HHATL: variants seen among roughly 807,000 people sequenced by gnomAD.
HHATL encodes protein-cysteine N-palmitoyltransferase HHAT-like protein.
A neutral mutation model predicts 59.7 loss-of-function variants in HHATL; 49 were observed. That is an observed-to-expected ratio of 0.82 (90% confidence interval 0.65 to 1.04). The LOEUF (loss-of-function observed/expected upper bound fraction) is 1.04. Among genes scored for constraint, HHATL ranks in the 50% least tolerant of loss-of-function variants. HHATL has a pLI of 0.00. For missense variants in HHATL, 605 were observed against 650.8 expected, an observed-to-expected ratio of 0.93 and a Z score of 0.77; for synonymous variants, 238 against 257.3, an observed-to-expected ratio of 0.93 and a Z score of 0.72.
intron 6 of HHATL, 86 bp from the exon 7 acceptor site, chr3:42,697,765 AGGAG>A (rs2125854158): frequency 1.4e-6 from 2 of 1,383,310 alleles, no homozygotes; most frequent in Admixed American, 2.2e-5. Context: ...TACTTGGGGC[AGGAG>A]GAGCCATGGC....
rs1697951928 is a variant in HHATL at position 42,700,968 on chromosome 3, A to ACCAT, written c.-13-133_-13-130dup. 7.1e-5 allele frequency: 45 copies of ACCAT among 631,016 alleles called. 1 individual carries two copies. In the South Asian group the frequency reaches 8.2e-4, roughly 11 times the overall value. 39.1% of individuals were successfully genotyped at this position (631,016 alleles called of 1,614,324 possible). A position where few individuals can be genotyped will look rare whatever the true frequency, so the allele number is the denominator to read the frequency against. ...CCCTCCAGCCCCTTGGGGACCTTGT[A>ACCAT]CCATCACTCTGCCTGCCCCTGTGCC... On this transcript the variant is annotated intron_variant, in intron 1 of 11. Transcript: ENST00000441594.
At position 42,693,554 on chromosome 3, in the gene HHATL, G is replaced by A; in HGVS notation, c.1248+63C>T. Reference sequence around the variant, plus strand: ...CCAGGTGTTTGGACAACTCCAGAAAGCAGCAGTGCCCCCCCGCCCTCTATG... The same window carrying A: ...CCAGGTGTTTGGACAACTCCAGAAAACAGCAGTGCCCCCCCGCCCTCTATG... On this transcript the variant is annotated intron_variant, in intron 10 of 11. Transcript: ENST00000441594. 6.4e-6 allele frequency: 9 copies of A among 1,400,524 alleles called. 1 individual carries two copies. The South Asian group carries it at 9.8e-5, about 15-fold the overall frequency. 86.8% of individuals were successfully genotyped at this position (1,400,524 alleles called of 1,614,324 possible). A position where few individuals can be genotyped will look rare whatever the true frequency, so the allele number is the denominator to read the frequency against.
intron 2 of HHATL, 64 bp from the exon 3 acceptor site, chr3:42,699,889 G>T: frequency 7.2e-7 from 1 of 1,393,626 alleles, no homozygotes; most frequent in Non-Finnish European, 9.9e-7. Flanking sequence ...CTTCCCCCGT[G>T]GACAAGGCTG....
chr3:42,696,912 A>G, intron 8 of HHATL, 35 bp from the exon 9 acceptor site: 1 of 1,614,144 alleles, frequency 6.2e-7, no homozygotes. Context: ...TGTTGCCATC[A>G]GGCGCAGAGC....
chr3:42,692,939 C>T, intron 11 of HHATL, 64 bp from the exon 12 acceptor site: 2 of 1,588,922 alleles, frequency 1.3e-6, no homozygotes, highest in South Asian at 1.1e-5. Context: ...CTTTTGTCTT[C>T]CCACCCCTCT....
rs577837989 is a variant in HHATL, at chr3:42,698,041, T to C, written c.693+101A>G. 38 of 1,209,300 alleles carry C rather than the reference T, an allele frequency of 3.1e-5. 1 individual carries two copies. In the South Asian group the frequency reaches 5.0e-4, roughly 16 times the overall value. 74.9% of individuals were successfully genotyped at this position (1,209,300 alleles called of 1,614,324 possible). A position where few individuals can be genotyped will look rare whatever the true frequency, so the allele number is the denominator to read the frequency against. ...TTCATCCTGGAATCATGCCTGAGGA[T>C]GGGGATACAGCCTGCTTGGGGAATT... On this transcript the variant is annotated intron_variant, in intron 6 of 11. Transcript: ENST00000441594.
Position 42,701,229 on chromosome 3 carries a change from G to C in HHATL, c.-13-390C>G, listed in dbSNP as rs966944617. On this transcript the variant is annotated intron_variant, in intron 1 of 11. Coordinates refer to ENST00000441594, the MANE Select transcript of HHATL (RefSeq NM_020707.4). This position sits in a 1 kb window ranked among gnomAD's most constrained non-coding sequence, Gnocchi z 5.1. ...AACCCCACCTCTATCACTACAGTCA[G>C]GTTTCTGCCTGCAGGGTCCCCACCT... 1.6e-5 allele frequency: 3 copies of C among 189,976 alleles called. No individual in the cohort carries two copies. The highest frequency in any genetic ancestry group is 6.9e-5 in the African/African-American group (3 of 43,214). 11.8% of individuals were successfully genotyped at this position (189,976 alleles called of 1,614,324 possible).
At position 42,693,774 on chromosome 3, in the gene HHATL, G is replaced by A. The variant is rs1271093757; in HGVS notation, c.1091C>T (p.Pro364Leu). Residue 364 changes from proline to leucine, a missense_variant, in exon 10 of 12, where the codon CCA (proline) becomes CTA (leucine). By Grantham distance (98) the Pro-to-Leu change is moderately conservative (BLOSUM62 -3). Transcript: ENST00000441594. ...TGTGGCCACTGTGGCTGCCAGCTCT[G>A]GGATCACAGCGGAATGCTCCCCACC... ...HIGGEHSAVI[P>L]ELAATVATFA... The A allele has an allele frequency of 2.5e-6, 4 of 1,613,998 alleles. No individual in the cohort carries two copies. Among genetic ancestry groups the A allele is most frequent in the Non-Finnish European group, 3.4e-6 (4 of 1,180,024 alleles).
At chr3:42,700,246 C>G (rs1331483339) in intron 2 of HHATL, among the ~76,000 whole-genome samples, 1 of 132,862 alleles carries the variant, frequency 7.5e-6, no homozygotes, top group African/African-American at 2.9e-5. Context: ...ATCCAGGTCT[C>G]TCTCTGTGTG....
At chr3:42,699,251 T>C (rs925310303) in intron 3 of HHATL, 106 bp from the exon 4 acceptor site, 1 of 554,130 alleles carries the variant, frequency 1.8e-6, no homozygotes, top group African/African-American at 1.9e-5. Flanking sequence ...TTCCCAGCCT[T>C]CATGTTCTTC....
rs761722322 is a variant in HHATL at position 42,700,599 on chromosome 3, C to T, written c.106+122G>A. ...CCCCGGGCTGAAAAGGGAGATCCAG[C>T]CGTGTTCTAGAAGGAGTACCCTAGG... On this transcript the variant is annotated intron_variant, in intron 2 of 11. Transcript: ENST00000441594. 2.3e-4 allele frequency: 145 copies of T among 632,166 alleles called. 1 individual carries two copies. In the Middle Eastern group the frequency reaches 9.4e-3, roughly 41 times the overall value. 39.2% of individuals were successfully genotyped at this position (632,166 alleles called of 1,614,324 possible).
rs762092383 is a variant in HHATL, at chr3:42,692,710, A to G, written c.*41T>C. 5 of 1,613,996 alleles carry G rather than the reference A, an allele frequency of 3.1e-6. No individual in the cohort carries two copies. In the South Asian group the frequency reaches 5.5e-5, roughly 18 times the overall value. ...CTATCGGTCAGGCCCCATCTGGCCCAAGAATAGCTGAGCAGAGCCCATCCC... is the reference window on the plus strand; with the variant it reads ...CTATCGGTCAGGCCCCATCTGGCCCGAGAATAGCTGAGCAGAGCCCATCCC... On this transcript the variant is annotated 3_prime_UTR_variant, in exon 12 of 12. Transcript: ENST00000441594.
chr3:42,699,006 G>T, intron 4 of HHATL, 26 bp downstream of exon 4: 4 of 1,612,074 alleles, frequency 2.5e-6, no homozygotes, highest in Non-Finnish European at 3.4e-6. Context: ...GGCAGGGAGA[G>T]GCTGGGTGGC....
intron 6 of HHATL, 73 bp from the exon 7 acceptor site, chr3:42,697,752 A>G (rs965941172): frequency 6.7e-7 from 1 of 1,487,928 alleles, no homozygotes; most frequent in Non-Finnish European, 9.2e-7. Context: ...GGGGCTCACC[A>G]ACTACTTGGG....
Position 42,697,485 on chromosome 3 carries a change from C to T in HHATL, c.865+23G>A, listed in dbSNP as rs1335491737. ...TTTTCCTGGGGCGGCAGCCCTGCCC[C>T]CATTTCTCTTCTGTGGACCCACCGA... On this transcript the variant is annotated intron_variant, in intron 7 of 11. Coordinates refer to ENST00000441594, the MANE Select transcript of HHATL (RefSeq NM_020707.4). 8 of 1,606,654 alleles carry T rather than the reference C, an allele frequency of 5.0e-6. No homozygotes were observed. The South Asian group carries it at 6.6e-5, about 13-fold the overall frequency.
chr3:42,693,384 TC>T, intron 10 of HHATL, 166 bp from the exon 11 acceptor site: 2 of 912,248 alleles, frequency 2.2e-6, no homozygotes, highest in Non-Finnish European at 3.3e-6. Context: ...GGGAAACAGG[TC>T]CAGAGAGAGG....
At chr3:42,698,948 G>T (rs372107414) in intron 4 of HHATL, 46 bp from the exon 5 acceptor site, 2 of 1,604,618 alleles carry the variant, frequency 1.2e-6, no homozygotes, top group Non-Finnish European at 1.7e-6. Flanking sequence ...AAATGGGGGC[G>T]TGACCCCAGG....
In HHATL at chr3:42,692,826, G is replaced by C; in HGVS notation, c.1440C>G (p.Val480=). The change falls in exon 12 of 12, where the codon GTC becomes GTG. Residue 480 remains valine, a synonymous_variant. Transcript: ENST00000441594. ...LSILFVTYCG[V]QLVKERERTL... Reference sequence around the variant, plus strand: ...TTCGCTCACGCTCCTTTACCAGCTGGACGCCACAGTAGGTGACAAACAGGA... The same window carrying C: ...TTCGCTCACGCTCCTTTACCAGCTGCACGCCACAGTAGGTGACAAACAGGA... 1 of 1,614,200 alleles carries C rather than the reference G, an allele frequency of 6.2e-7. No individual in the cohort carries two copies. Among genetic ancestry groups the C allele is most frequent in the Non-Finnish European group, 8.5e-7 (1 of 1,180,040 alleles).
intron 6 of HHATL, among the ~76,000 whole-genome samples, 197 bp downstream of exon 6, chr3:42,697,945 C>T (rs1206679717): frequency 6.6e-6 from 1 of 152,162 alleles, no homozygotes; most frequent in African/African-American, 2.4e-5. Context: ...GACATGTCTC[C>T]ACCCTGGGGT....
Sources: gnomAD v4.1 joint callset for allele counts (sites outside exome capture counted in the v4.1 genomes callset) on GRCh38, gnomAD v4.1.1 for gene constraint, Gnocchi (gnomAD v3.1) non-coding constraint, MANE v1.5 for transcripts, NCBI Gene and HGNC (gene_info 2026-07-23, HGNC 2026-07-21) for gene names.